The following EDN2 variants were observed in gnomAD, a reference collection of about 807,000 sequenced individuals.
EDN2 encodes endothelin-2.
Under a neutral mutation model 19.9 loss-of-function variants are expected in EDN2, and 10 were observed. That is an observed-to-expected ratio of 0.50 (90% CI 0.31 to 0.85). EDN2 has a LOEUF of 0.85. EDN2 is among the 40% of genes least tolerant of loss of function. The pLI is 0.05. For synonymous variants in EDN2, 84 were observed against 94.9 expected (o/e 0.89, Z 0.67); for missense variants, 222 against 239.3 (o/e 0.93, Z 0.48).
rs769966451 is a variant in EDN2, at chr1:41,478,939, T to A, written c.*470A>T. On this transcript the variant is annotated 3_prime_UTR_variant, in exon 5 of 5. Transcript: ENST00000372587. ...TCTCACTGGGAGGGTCCCGAGGGAA[T>A]GAGGGTGCAAGAACTCTGGGGAGGG... The A allele has an allele frequency of 6.8e-6, 2 of 292,498 alleles. No homozygotes were observed. Among genetic ancestry groups the A allele is most frequent in the East Asian group, 8.2e-5 (1 of 12,262 alleles). The allele number at this position is 292,498 out of a possible 1,614,324, so 18.1% of individuals were successfully genotyped here.
Position 41,482,680 on chromosome 1 carries a change from C to G in EDN2, c.222-92G>C, listed in dbSNP as rs1644258768. The G allele has an allele frequency of 1.8e-5, 26 of 1,418,420 alleles. No individual in the cohort carries two copies. In the South Asian group the frequency reaches 2.3e-4, roughly 13 times the overall value. The allele number at this position is 1,418,420 out of a possible 1,614,324, so 87.9% of individuals were successfully genotyped here. On this transcript the variant is annotated intron_variant, in intron 2 of 4. Coordinates refer to ENST00000372587, the MANE Select transcript of EDN2 (RefSeq NM_001956.5). ...AAGAGAGAGAGGATTAAATAAACCA[C>G]AACCATTGGCAAGCAGGGACTGTCC...
chr1:41,482,718 G>A (rs531032173), intron 2 of EDN2, 130 bp from the exon 3 acceptor site: 1 of 1,273,322 alleles, frequency 7.9e-7, no homozygotes, highest in East Asian at 3.1e-5. Flanking sequence ...ACTGCCCACT[G>A]GGACAGCCAC....
intron 3 of EDN2, among the ~76,000 whole-genome samples, chr1:41,481,985 C>A (rs753913553): frequency 2.0e-5 from 3 of 152,206 alleles, no homozygotes; most frequent in Non-Finnish European, 4.4e-5. Context: ...CCCAGCAACT[C>A]TGGGGCCACC....
intron 3 of EDN2, among the ~76,000 whole-genome samples, chr1:41,481,755 G>A (rs536529121): frequency 6.6e-6 from 1 of 152,206 alleles, no homozygotes; most frequent in East Asian, 1.9e-4. Flanking sequence ...TGTCCAGGTT[G>A]GTCTTGAACT....
At chr1:41,482,316 A>G (rs778263912) in intron 3 of EDN2, 150 bp downstream of exon 3, 21 of 953,558 alleles carry the variant, frequency 2.2e-5, no homozygotes, top group Non-Finnish European at 3.0e-5. Context: ...GGATGGTGCC[A>G]TGGACCCAAA....
rs764506218 is a variant in EDN2 at position 41,479,052 on chromosome 1, G to A, written c.*357C>T. ...GCTGGCTGAGGCATGCGTGTTCGTGGCTGCACGGTTGCTCCTGGTTTGTAG... is the reference window on the plus strand; with the variant it reads ...GCTGGCTGAGGCATGCGTGTTCGTGACTGCACGGTTGCTCCTGGTTTGTAG... On this transcript the variant is annotated 3_prime_UTR_variant, in exon 5 of 5. Transcript: ENST00000372587. 6 of 365,954 alleles carry A rather than the reference G, an allele frequency of 1.6e-5. No individual in the cohort carries two copies. The highest frequency in any genetic ancestry group is 9.6e-4 in the Middle Eastern group (1 of 1,046). The allele number at this position is 365,954 out of a possible 1,614,324, so 22.7% of individuals were successfully genotyped here. A position where few individuals can be genotyped will look rare whatever the true frequency, so the allele number is the denominator to read the frequency against.
At chr1:41,480,394 C>A (rs1002521126) in intron 4 of EDN2, among the ~76,000 whole-genome samples, 4 of 152,184 alleles carry the variant, frequency 2.6e-5, no homozygotes, top group Non-Finnish European at 4.4e-5. Context: ...CGGGCACAGA[C>A]CCTGGTCTAC....
intron 4 of EDN2, among the ~76,000 whole-genome samples, chr1:41,480,528 A>G: frequency 6.6e-6 from 1 of 152,220 alleles, no homozygotes; most frequent in East Asian, 1.9e-4. Flanking sequence ...TGAGGGGCAA[A>G]CCCAAGGTCA....
rs369084060 is a variant in EDN2, at chr1:41,481,228, T to G, written c.345-35A>C. On this transcript the variant is annotated intron_variant, in intron 3 of 4. Transcript: ENST00000372587. Reference sequence around the variant, plus strand: ...TAGCATTAGGGCCCAAGTGATGGACTGCCCAGGGCCCTGAAGCTACCTGGC... The same window carrying G: ...TAGCATTAGGGCCCAAGTGATGGACGGCCCAGGGCCCTGAAGCTACCTGGC... 42 of 1,587,064 alleles carry G rather than the reference T, an allele frequency of 2.6e-5. No homozygotes were observed. The African/African-American group carries it at 5.4e-4, about 20-fold the overall frequency.
chr1:41,482,622 G>C, intron 2 of EDN2, 34 bp from the exon 3 acceptor site: 1 of 1,532,636 alleles, frequency 6.5e-7, no homozygotes, highest in Non-Finnish European at 8.7e-7. Flanking sequence ...TAGTGGTGTG[G>C]GGTGGAGAGA....
Position 41,478,806 on chromosome 1 carries a change from C to T in EDN2, c.*603G>A, listed in dbSNP as rs1250838143. 7 of 163,540 alleles carry T rather than the reference C, an allele frequency of 4.3e-5. No individual in the cohort carries two copies. In the East Asian group the frequency reaches 1.2e-3, roughly 27 times the overall value. 10.1% of individuals were successfully genotyped at this position (163,540 alleles called of 1,614,324 possible). On this transcript the variant is annotated 3_prime_UTR_variant, in exon 5 of 5. Transcript: ENST00000372587. ...TCCTCATTTATTATAAACACAAGTT[C>T]GCAGGTAAATAGAGGGTCTAAAAAA...
chr1:41,483,710 G>A, intron 2 of EDN2: 1 of 217,212 alleles, frequency 4.6e-6, no homozygotes. Flanking sequence ...GTGAGCTCCG[G>A]CATTCCCCAA....
intron 2 of EDN2, 87 bp downstream of exon 2, chr1:41,483,960 T>C: frequency 1.4e-6 from 2 of 1,399,550 alleles, no homozygotes; most frequent in South Asian, 1.4e-5. Flanking sequence ...AGATGGAATG[T>C]GTCAACGTTC....
intron 3 of EDN2, 101 bp from the exon 4 acceptor site, chr1:41,481,294 C>T: frequency 2.2e-6 from 2 of 895,724 alleles, no homozygotes; most frequent in South Asian, 3.2e-5. Flanking sequence ...CCATCCCCAC[C>T]TGCCTGCGGG....
chr1:41,483,253 G>A (rs1324479771), intron 2 of EDN2, among the ~76,000 whole-genome samples: 1 of 152,244 alleles, frequency 6.6e-6, no homozygotes, highest in Non-Finnish European at 1.5e-5. Context: ...GCTAATTTTA[G>A]ATGGTGTGGT....
chr1:41,481,267 C>G, intron 3 of EDN2, 74 bp from the exon 4 acceptor site: 1 of 1,251,694 alleles, frequency 8.0e-7, no homozygotes, highest in Non-Finnish European at 1.1e-6. Context: ...AGGCCCAGCC[C>G]AGCCCCCACC....
chr1:41,484,091 G>A lies in EDN2; in HGVS notation c.177C>T (p.Cys59=), dbSNP rs759074879. The change falls in exon 2 of 5, where the codon TGC becomes TGT. Residue 59 remains cysteine, a synonymous_variant. Transcript: ENST00000372587. ...CSCSSWLDKE[C]VYFCHLDIIW... is the part of the protein sequence containing the mutation. ...TGATGTCCAAGTGGCAGAAGTAGAC[G>A]CACTCCTTGTCGAGCCAGGAGCTGC... is the stretch of plus-strand genomic sequence containing the variant. 9.3e-6 allele frequency: 15 copies of A among 1,613,050 alleles called. No individual in the cohort carries two copies. The highest frequency in any genetic ancestry group is 2.7e-5 in the African/African-American group (2 of 74,912).
chr1:41,480,832 C>A, intron 4 of EDN2: 1 of 635,740 alleles, frequency 1.6e-6, no homozygotes, highest in Non-Finnish European at 2.9e-6. Context: ...GTGGTCCTTC[C>A]CAGTCATGAG....
At chr1:41,480,550 C>A (rs1041926419) in intron 4 of EDN2, among the ~76,000 whole-genome samples, 5 of 152,240 alleles carry the variant, frequency 3.3e-5, no homozygotes, top group African/African-American at 1.2e-4. Context: ...AAAGCTTGTA[C>A]CAGGCTGGGC....
Sources: allele counts gnomAD v4.1 joint callset (sites outside exome capture counted in the v4.1 genomes callset), GRCh38; gene constraint gnomAD v4.1.1; transcripts MANE v1.5; gene names NCBI Gene and HGNC (gene_info 2026-07-23, HGNC 2026-07-21).